STPG2: variants seen among roughly 807,000 people sequenced by gnomAD.
STPG2 encodes the protein sperm tail PG-rich repeat containing 2.
Under a neutral mutation model 54.2 loss-of-function variants are expected in STPG2, and 56 were observed. That is an observed-to-expected ratio of 1.03 (90% CI 0.83 to 1.29). The LOEUF (loss-of-function observed/expected upper bound fraction) is 1.29, where lower values mean the gene tolerates loss of function less well. STPG2 is among the 50% of genes most tolerant of loss of function. The pLI is 0.00. For missense variants in STPG2, 596 were observed against 544.9 expected (o/e 1.09, Z -0.93); for synonymous variants, 200 against 181.8 (o/e 1.10, Z -0.81).
At chr4:97,875,659 G>GT (rs1370898425) in intron 8 of STPG2, among the ~76,000 whole-genome samples, 1 of 151,956 alleles carries the variant, frequency 6.6e-6, no homozygotes, top group African/African-American at 2.4e-5. Flanking sequence ...TCATAACAGT[G>GT]TTTTTTAGAA....
In STPG2 at chr4:97,730,041, G is replaced by A. The variant is rs191719590; in HGVS notation, c.1205-17227C>T. Among the ~76,000 whole-genome samples, 655 of 152,174 alleles carry A rather than the reference G, an allele frequency of 4.3e-3. 5 individuals are homozygous for A. Among genetic ancestry groups the A allele is most frequent in the South Asian group, 0.019 (93 of 4,818 alleles). On this transcript the variant is annotated intron_variant, in intron 9 of 10. Transcript: ENST00000295268. ...ATTTTAGATACAGGGGTACATATGC[G>A]GATGTTACATGGATATGTTGTGTGA...
chr4:97,518,720 C>A (rs1406500572), intron 4 of STPG2, among the ~76,000 whole-genome samples: 1 of 152,020 alleles, frequency 6.6e-6, no homozygotes, highest in Non-Finnish European at 1.5e-5. Context: ...CCATTTCATA[C>A]CAGGTTAAAT....
At chr4:98,003,380 A>G (rs1735472769) in intron 5 of STPG2, among the ~76,000 whole-genome samples, 2 of 152,116 alleles carry the variant, frequency 1.3e-5, no homozygotes, top group South Asian at 4.1e-4. Flanking sequence ...CAAATTAGCT[A>G]AATAATACAT....
intron 4 of STPG2, among the ~76,000 whole-genome samples, chr4:97,484,297 A>G (rs1730300666): frequency 6.6e-6 from 1 of 151,830 alleles, no homozygotes; most frequent in Non-Finnish European, 1.5e-5. Flanking sequence ...TTGAAAAGAT[A>G]AATAAAATTG....
intron 9 of STPG2, among the ~76,000 whole-genome samples, chr4:97,734,916 CA>C (rs1350056355): frequency 6.6e-6 from 1 of 151,486 alleles, no homozygotes; most frequent in Admixed American, 6.6e-5. Context: ...ACTAAAAATA[CA>C]AAAAAATTAG....
chr4:97,448,355 G>C (rs1001283827), intron 4 of STPG2, among the ~76,000 whole-genome samples: 1 of 152,044 alleles, frequency 6.6e-6, no homozygotes, highest in Non-Finnish European at 1.5e-5. Flanking sequence ...GATTTGGGAG[G>C]GTCCAGGGAC....
At chr4:97,966,677 A>G (rs1465648358) in intron 7 of STPG2, among the ~76,000 whole-genome samples, 1 of 152,232 alleles carries the variant, frequency 6.6e-6, no homozygotes, top group African/African-American at 2.4e-5. Flanking sequence ...CGGATCTCTC[A>G]GCAGAAACCC....
At chr4:97,745,090 A>G (rs1725381119) in intron 9 of STPG2, among the ~76,000 whole-genome samples, 1 of 151,254 alleles carries the variant, frequency 6.6e-6, no homozygotes, top group Admixed American at 6.6e-5. Context: ...AAATTAGGCC[A>G]CCAATGTTGT....
chr4:97,765,743 G>C (rs905380376), intron 9 of STPG2, among the ~76,000 whole-genome samples: 1 of 152,116 alleles, frequency 6.6e-6, no homozygotes, highest in Non-Finnish European at 1.5e-5. Context: ...AACTAATTCA[G>C]AGTCAGACAA....
At chr4:97,977,807 C>T (rs893752397) in intron 6 of STPG2, among the ~76,000 whole-genome samples, 24 of 152,092 alleles carry the variant, frequency 1.6e-4, no homozygotes, top group Non-Finnish European at 2.9e-4. Flanking sequence ...TCTGTGGCAG[C>T]GACTTTGGAA....
At chr4:97,924,777 T>C (rs1306026444) in intron 8 of STPG2, among the ~76,000 whole-genome samples, 1 of 152,186 alleles carries the variant, frequency 6.6e-6, no homozygotes, top group Admixed American at 6.5e-5. Flanking sequence ...AGGTAGTAGA[T>C]AAGTCATGTT....
chr4:97,885,290 A>G (rs1730521024), intron 8 of STPG2, among the ~76,000 whole-genome samples: 1 of 152,198 alleles, frequency 6.6e-6, no homozygotes, highest in Admixed American at 6.5e-5. Flanking sequence ...TGTTGGGTCC[A>G]GCTGCCACAA....
At chr4:97,479,506 T>A (rs1296822369) in intron 4 of STPG2, among the ~76,000 whole-genome samples, 1 of 151,976 alleles carries the variant, frequency 6.6e-6, no homozygotes, top group Admixed American at 6.5e-5. Flanking sequence ...AATAATTTAG[T>A]GGACTATAAA....
chr4:98,116,713 A>G (rs2110151433), intron 3 of STPG2, among the ~76,000 whole-genome samples: 1 of 152,048 alleles, frequency 6.6e-6, no homozygotes, highest in African/African-American at 2.4e-5. Context: ...GGCCTAGAAG[A>G]CCAGGTATGT....
At chr4:97,457,854 C>A (rs1258542087) in intron 4 of STPG2, among the ~76,000 whole-genome samples, 1 of 151,952 alleles carries the variant, frequency 6.6e-6, no homozygotes, top group African/African-American at 2.4e-5. Flanking sequence ...TTAAAAGAAA[C>A]CTAGAGGAAA....
chr4:97,564,607 G>A (rs1351304204), intron 10 of STPG2, among the ~76,000 whole-genome samples: 7 of 152,050 alleles, frequency 4.6e-5, no homozygotes, highest in Admixed American at 2.0e-4. Context: ...CTTCCTTCAG[G>A]ACCTCTTTTA....
Position 97,940,112 on chromosome 4 carries a change from A to G in STPG2, c.1044+3785T>C, listed in dbSNP as rs75252937. 2.5e-3 allele frequency among the ~76,000 whole-genome samples: 375 copies of G among 152,200 alleles called. 2 individuals carry two copies. Among genetic ancestry groups the G allele is most frequent in the African/African-American group, 8.3e-3 (345 of 41,564 alleles). The stretch of plus-strand genomic sequence containing the variant: ...TTGGTTGAAGATTTTTTCTTTAAGA[A>G]AGTTGAATATAGGCCCCCAGTCTCT... On this transcript the variant is annotated intron_variant, in intron 8 of 10. Coordinates refer to ENST00000295268, the MANE Select transcript of STPG2 (RefSeq NM_174952.3).
In STPG2 at chr4:97,983,585, C is replaced by G. The variant is rs1046100293; in HGVS notation, c.613-2267G>C. Among the ~76,000 whole-genome samples the G allele has an allele frequency of 3.0e-4, 46 of 152,228 alleles. 1 individual carries two copies. Among genetic ancestry groups the G allele is most frequent in the African/African-American group, 1.0e-3 (43 of 41,534 alleles). On this transcript the variant is annotated intron_variant, in intron 5 of 10. Transcript: ENST00000295268. Reference sequence around the variant, plus strand: ...GTTTCCTATGTCCCTGTGATATGCTCTCATCATTATCTCGTTTAGAACTTA... The same window carrying G: ...GTTTCCTATGTCCCTGTGATATGCTGTCATCATTATCTCGTTTAGAACTTA...
intron 9 of STPG2, among the ~76,000 whole-genome samples, chr4:97,728,669 C>T (rs1384291930): frequency 2.0e-5 from 3 of 151,734 alleles, no homozygotes; most frequent in African/African-American, 7.3e-5. Context: ...AAGTGTCTGA[C>T]CCAGAGCTGA....
Sources: gnomAD v4.1 joint callset for allele counts (sites outside exome capture counted in the v4.1 genomes callset) on GRCh38, gnomAD v4.1.1 for gene constraint, MANE v1.5 for transcripts, NCBI Gene and HGNC (gene_info 2026-07-23, HGNC 2026-07-21) for gene names.